CFAP91: variants seen among roughly 807,000 people sequenced by gnomAD.
CFAP91 encodes the protein cilia- and flagella-associated protein 91.
Under a neutral mutation model 95.9 loss-of-function variants are expected in CFAP91, and 85 were observed. The ratio of observed to expected loss-of-function variants is 0.89; its 90% CI spans 0.74 to 1.06. CFAP91 has a LOEUF of 1.06. Among genes scored for constraint, CFAP91 ranks in the 50% least tolerant of loss-of-function variants. CFAP91 has a pLI of 0.00. For missense variants in CFAP91, 962 were observed against 943.4 expected, an observed-to-expected ratio of 1.02 and a Z score of -0.26; for synonymous variants, 335 against 327.5, an observed-to-expected ratio of 1.02 and a Z score of -0.25.
At chr3:119,732,146 A>G (rs1400634002) in intron 8 of CFAP91, 148 bp from the exon 9 acceptor site, 10 of 578,174 alleles carry the variant, frequency 1.7e-5, no homozygotes, top group Non-Finnish European at 2.4e-5. Context: ...TCTGTTTTTA[A>G]TGTTACATTC....
At chr3:119,731,885 A>G (rs2053904997) in intron 8 of CFAP91, among the ~76,000 whole-genome samples, 1 of 152,172 alleles carries the variant, frequency 6.6e-6, no homozygotes, top group South Asian at 2.1e-4. Context: ...ACCAAGATGA[A>G]CCTGTAGTCT....
At position 119,744,131 on chromosome 3, in the gene CFAP91, G is replaced by T; in HGVS notation, c.1837G>T (p.Glu613Ter). The change falls in exon 14 of 18, where the codon GAA becomes TAA. Residue 613 changes from glutamate to a stop codon, truncating the protein, a stop_gained. Coordinates refer to ENST00000273390, the MANE Select transcript of CFAP91 (RefSeq NM_033364.4). LOFTEE classifies it high-confidence loss of function. ...GCGCCAGCGGCGGGTACGAGAGGCTGAAGAGAGTGGTCGGCGCCAGGTGGA... is the reference window on the plus strand; with the variant it reads ...GCGCCAGCGGCGGGTACGAGAGGCTTAAGAGAGTGGTCGGCGCCAGGTGGA... ...AERQRRVREA[E>*]ESGRRQVEKQ... 1 of 1,614,102 alleles carries T rather than the reference G, an allele frequency of 6.2e-7. No individual in the cohort carries two copies. The highest frequency in any genetic ancestry group is 2.2e-5 in the East Asian group (1 of 44,880).
At position 119,740,563 on chromosome 3, in the gene CFAP91, A is replaced by C; in HGVS notation, c.1548A>C (p.Lys516Asn). 2 of 1,612,894 alleles carry C rather than the reference A, an allele frequency of 1.2e-6. No homozygotes were observed. The highest frequency in any genetic ancestry group is 1.7e-6 in the Non-Finnish European group (2 of 1,179,470). The change falls in exon 13 of 18, where the codon AAA (lysine) becomes AAC (asparagine). Residue 516 changes from lysine to asparagine, a missense_variant. By Grantham distance (94) the Lys-to-Asn change is moderately conservative (BLOSUM62 0). Transcript: ENST00000273390. ...RVVQNMMFEG[K>N]EKRLELIQEL... Reference sequence around the variant, plus strand: ...ATTTGATACAGATGTTTGAAGGGAAAGAAAAGCGACTGGAGTTGATCCAGG... The same window carrying C: ...ATTTGATACAGATGTTTGAAGGGAACGAAAAGCGACTGGAGTTGATCCAGG...
At position 119,732,364 on chromosome 3, in the gene CFAP91, T is replaced by C. The variant is rs1018858949; in HGVS notation, c.1089T>C (p.Asp363=). ...TGGAGAGAAGAAATATCATCAAGGA[T>C]TATTCTGATTATGCATCACAGGTCT... ...GKLERRNIIK[D]YSDYASQVYG... Residue 363 remains aspartate (D), a synonymous_variant, in exon 9 of 18, where the codon GAT becomes GAC. Transcript: ENST00000273390. 1 of 1,612,550 alleles carries C rather than the reference T, an allele frequency of 6.2e-7. No homozygotes were observed. Among genetic ancestry groups the C allele is most frequent in the Non-Finnish European group, 8.5e-7 (1 of 1,178,802 alleles).
intron 10 of CFAP91, among the ~76,000 whole-genome samples, chr3:119,735,968 C>CT (rs879417737): frequency 0.014 from 2,100 of 146,452 alleles, 46 homozygotes; most frequent in African/African-American, 0.048. Flanking sequence ...GCCTGAAGAA[C>CT]TTTTTTTTTT....
intron 5 of CFAP91, chr3:119,713,109 T>G (rs1330581223): frequency 6.7e-6 from 1 of 149,628 alleles, no homozygotes; most frequent in Non-Finnish European, 1.5e-5. Flanking sequence ...ATTTATTTAT[T>G]TATTTATTTA....
intron 17 of CFAP91, among the ~76,000 whole-genome samples, chr3:119,763,281 A>T (rs2054571449): frequency 6.6e-6 from 1 of 152,094 alleles, no homozygotes; most frequent in Admixed American, 6.5e-5. Flanking sequence ...ATATCACCTC[A>T]TACTGTTAGA....
chr3:119,725,693 G>A (rs1279425072), intron 6 of CFAP91, among the ~76,000 whole-genome samples: 1 of 151,902 alleles, frequency 6.6e-6, no homozygotes, highest in East Asian at 1.9e-4. Flanking sequence ...GGAGGTCAAG[G>A]CCACAGTGAG....
At chr3:119,710,373 A>G (rs1464090784) in intron 5 of CFAP91, 1 of 156,380 alleles carries the variant, frequency 6.4e-6, no homozygotes, top group African/African-American at 2.4e-5. Flanking sequence ...AGAAGAAGCA[A>G]ATGCTGTGTC....
intron 14 of CFAP91, among the ~76,000 whole-genome samples, chr3:119,745,861 A>G (rs1414021169): frequency 6.6e-6 from 1 of 152,232 alleles, no homozygotes; most frequent in Non-Finnish European, 1.5e-5. Flanking sequence ...TGTTTTACAC[A>G]TAGGTGTACA....
At chr3:119,733,599 AAACATAG>A in intron 10 of CFAP91, 93 bp downstream of exon 10, 3 of 1,302,652 alleles carry the variant, frequency 2.3e-6, no homozygotes, top group Non-Finnish European at 3.2e-6. Flanking sequence ...CCAGTGGGTC[AAACATAG>A]ACCTACATTC....
At position 119,732,359 on chromosome 3, in the gene CFAP91, A is replaced by G; in HGVS notation, c.1084A>G (p.Lys362Glu). 2 of 1,611,964 alleles carry G rather than the reference A, an allele frequency of 1.2e-6. No homozygotes were observed. Among genetic ancestry groups the G allele is most frequent in the Non-Finnish European group, 1.7e-6 (2 of 1,178,530 alleles). The change falls in exon 9 of 18, where the codon AAG becomes GAG. Residue 362 changes from lysine (K) to glutamate (E), a missense_variant. Coordinates refer to ENST00000273390, the MANE Select transcript of CFAP91 (RefSeq NM_033364.4). ...GAAGTTGGAGAGAAGAAATATCATCAAGGATTATTCTGATTATGCATCACA... is the reference window on the plus strand; with the variant it reads ...GAAGTTGGAGAGAAGAAATATCATCGAGGATTATTCTGATTATGCATCACA... ...EGKLERRNII[K>E]DYSDYASQVY...
At chr3:119,744,593 T>C (rs1231493136) in intron 14 of CFAP91, among the ~76,000 whole-genome samples, 2 of 152,096 alleles carry the variant, frequency 1.3e-5, no homozygotes, top group Non-Finnish European at 2.9e-5. Context: ...AGACAGGAAG[T>C]CGAGTATTAC....
intron 10 of CFAP91, among the ~76,000 whole-genome samples, chr3:119,736,478 G>A (rs548849091): frequency 1.6e-4 from 24 of 151,402 alleles, no homozygotes; most frequent in Non-Finnish European, 2.4e-4. Flanking sequence ...GGGTTTCACC[G>A]TGTTAGCCAG....
intron 6 of CFAP91, among the ~76,000 whole-genome samples, chr3:119,718,492 G>A (rs1355847862): frequency 6.6e-6 from 1 of 152,140 alleles, no homozygotes; most frequent in African/African-American, 2.4e-5. Context: ...GAGAAGCAAT[G>A]CAAGAATCAG....
At chr3:119,758,744 A>G (rs977079890) in intron 17 of CFAP91, among the ~76,000 whole-genome samples, 6 of 152,112 alleles carry the variant, frequency 3.9e-5, no homozygotes, top group African/African-American at 1.2e-4. Flanking sequence ...ATGAAAAGAC[A>G]TTTTCAAAGA....
intron 6 of CFAP91, among the ~76,000 whole-genome samples, chr3:119,724,897 A>G (rs1258312045): frequency 6.6e-6 from 1 of 151,964 alleles, no homozygotes; most frequent in Admixed American, 6.6e-5. Flanking sequence ...GGCGCCCACC[A>G]CCACGCCTGG....
chr3:119,765,494 A>G lies in CFAP91; in HGVS notation c.*444A>G, dbSNP rs965220306. The G allele has an allele frequency of 1.3e-5, 2 of 152,234 alleles. No individual in the cohort carries two copies. The highest frequency in any genetic ancestry group is 2.9e-5 in the Non-Finnish European group (2 of 68,034). The allele number at this position is 152,234 out of a possible 1,614,324, so 9.4% of individuals were successfully genotyped here. ...ATATATTCAACAGAAATGCATGAGT[A>G]TGTGCACCAACAGGCATGACAAAAA... On this transcript the variant is annotated 3_prime_UTR_variant, in exon 18 of 18. Transcript: ENST00000273390.
chr3:119,739,330 T>G lies in CFAP91; in HGVS notation c.1533+4T>G. On this transcript the variant is annotated splice_donor_region_variant and intron_variant, in intron 12 of 17. Transcript: ENST00000273390. The stretch of plus-strand genomic sequence containing the variant: ...GGGCAGAGTCGTTCAGAACATGGTG[T>G]GTAGGTCCAACCGCTGGCCCTGCAT... 1 of 1,613,858 alleles carries G rather than the reference T, an allele frequency of 6.2e-7. No individual in the cohort carries two copies. The highest frequency in any genetic ancestry group is 8.5e-7 in the Non-Finnish European group (1 of 1,179,708).
Sources: allele counts gnomAD v4.1 joint callset (sites outside exome capture counted in the v4.1 genomes callset), GRCh38; gene constraint gnomAD v4.1.1; transcripts MANE v1.5; gene names NCBI Gene and HGNC (gene_info 2026-07-23, HGNC 2026-07-21).